MICU2: variants seen among roughly 807,000 people sequenced by gnomAD.
The protein encoded by MICU2 is calcium uptake protein 2, mitochondrial.
In MICU2, 64 loss-of-function variants were observed where a neutral mutation model predicts 60.4. The ratio of observed to expected loss-of-function variants is 1.06; its 90% CI spans 0.87 to 1.31. MICU2 has a LOEUF of 1.31. Ranked by LOEUF, MICU2 falls within the 50% of genes most tolerant of loss-of-function variation. MICU2 has a pLI of 0.00. For synonymous variants in MICU2, 201 were observed against 175.0 expected (o/e 1.15, Z -1.17); for missense variants, 569 against 531.0 (o/e 1.07, Z -0.70).
In MICU2 at chr13:21,604,031, C is replaced by A; in HGVS notation, c.118G>T (p.Ala40Ser). The A allele has an allele frequency of 6.2e-7, 1 of 1,608,126 alleles. No individual in the cohort carries two copies. Among genetic ancestry groups the A allele is most frequent in the African/African-American group, 1.3e-5 (1 of 74,674 alleles). The change falls in exon 1 of 12, where the codon GCC becomes TCC. Residue 40 changes from alanine to serine, a missense_variant. Physicochemically the swap from Ala to Ser is moderately conservative, Grantham distance 99. Coordinates refer to ENST00000382374, the MANE Select transcript of MICU2 (RefSeq NM_152726.3). ...CCTGCTCCTGCCAGGGCCGCGCCGG[C>A]CACTGCCGCTGCCAAGGGGCCGGGA... ...RSPGPLAAAV[A>S]GAALAGAGAA...
intron 1 of MICU2, among the ~76,000 whole-genome samples, chr13:21,590,951 T>C (rs955237776): frequency 2.0e-5 from 3 of 151,942 alleles, no homozygotes; most frequent in African/African-American, 7.3e-5. Flanking sequence ...TAAAGAGCAA[T>C]GACATTACGA....
intron 4 of MICU2, among the ~76,000 whole-genome samples, chr13:21,526,752 G>A (rs1326489895): frequency 1.3e-5 from 2 of 151,846 alleles, no homozygotes; most frequent in Non-Finnish European, 2.9e-5. Flanking sequence ...AGATGAAGCT[G>A]AATATGAAAA....
intron 2 of MICU2, among the ~76,000 whole-genome samples, chr13:21,545,611 G>A (rs891099191): frequency 4.6e-5 from 7 of 151,786 alleles, no homozygotes; most frequent in African/African-American, 1.7e-4. Context: ...AGCCTGGAAG[G>A]CAGAGGTTGC....
chr13:21,548,688 C>T (rs1446550851), intron 2 of MICU2, among the ~76,000 whole-genome samples: 6 of 152,178 alleles, frequency 3.9e-5, no homozygotes, highest in Non-Finnish European at 1.5e-5. Context: ...ATAAGCCACC[C>T]TTTACCACAA....
chr13:21,509,507 A>G (rs1387532448), intron 8 of MICU2, among the ~76,000 whole-genome samples: 2 of 152,226 alleles, frequency 1.3e-5, no homozygotes, highest in Admixed American at 6.5e-5. Context: ...GACTACATGA[A>G]GCAGAGCTGA....
At chr13:21,572,100 T>TA (rs1291304959) in intron 1 of MICU2, among the ~76,000 whole-genome samples, 1 of 152,246 alleles carries the variant, frequency 6.6e-6, no homozygotes, top group African/African-American at 2.4e-5. Context: ...AACATTAAAT[T>TA]ATAAGTGCTA....
intron 9 of MICU2, among the ~76,000 whole-genome samples, chr13:21,497,986 C>T (rs1886043829): frequency 6.6e-6 from 1 of 152,146 alleles, no homozygotes; most frequent in African/African-American, 2.4e-5. Flanking sequence ...AACTCCTGGG[C>T]TCAAGTGATC....
chr13:21,600,663 C>G (rs527575106), intron 1 of MICU2, among the ~76,000 whole-genome samples: 1 of 152,306 alleles, frequency 6.6e-6, no homozygotes, highest in East Asian at 1.9e-4. Flanking sequence ...TAATTCCCGA[C>G]TGACCCTCAC....
intron 6 of MICU2, among the ~76,000 whole-genome samples, chr13:21,515,257 T>C (rs1343497585): frequency 1.3e-5 from 2 of 151,978 alleles, no homozygotes; most frequent in African/African-American, 4.8e-5. Context: ...AATTTTTTTG[T>C]ATTTTTAGTA....
intron 1 of MICU2, among the ~76,000 whole-genome samples, chr13:21,586,942 A>G (rs913941876): frequency 6.6e-6 from 1 of 152,218 alleles, no homozygotes; most frequent in Non-Finnish European, 1.5e-5. Flanking sequence ...CTGCTCTCCC[A>G]GGCATCTTCT....
intron 1 of MICU2, among the ~76,000 whole-genome samples, chr13:21,577,874 G>A (rs1432470164): frequency 6.6e-6 from 1 of 151,316 alleles, no homozygotes; most frequent in Non-Finnish European, 1.5e-5. Flanking sequence ...AGCCACTGAG[G>A]AGGCTGAGGC....
intron 9 of MICU2, among the ~76,000 whole-genome samples, chr13:21,499,054 G>T (rs570480261): frequency 6.6e-6 from 1 of 152,002 alleles, no homozygotes; most frequent in Non-Finnish European, 1.5e-5. Context: ...TCATTCAAGC[G>T]ATTCTTCTGC....
intron 8 of MICU2, among the ~76,000 whole-genome samples, chr13:21,506,243 T>C (rs966341441): frequency 6.6e-6 from 1 of 152,174 alleles, no homozygotes; most frequent in Non-Finnish European, 1.5e-5. Flanking sequence ...GTCGAAGTCC[T>C]GGACTCTAGC....
chr13:21,505,957 A>G (rs1886282137), intron 8 of MICU2, among the ~76,000 whole-genome samples: 1 of 152,076 alleles, frequency 6.6e-6, no homozygotes, highest in Non-Finnish European at 1.5e-5. Flanking sequence ...AGTACCTGCC[A>G]GTTGCTGTGA....
intron 2 of MICU2, chr13:21,551,296 A>G (rs1887556197): frequency 6.6e-6 from 1 of 152,404 alleles, no homozygotes; most frequent in Non-Finnish European, 1.5e-5. Flanking sequence ...TTTTTTATAC[A>G]TTTAAAAAAA....
intron 8 of MICU2, among the ~76,000 whole-genome samples, chr13:21,504,095 A>G (rs1886240610): frequency 6.6e-6 from 1 of 152,204 alleles, no homozygotes; most frequent in Non-Finnish European, 1.5e-5. Flanking sequence ...TTCTGAATGT[A>G]CTGAATACAC....
intron 1 of MICU2, among the ~76,000 whole-genome samples, chr13:21,579,446 T>C (rs1036418027): frequency 6.6e-6 from 1 of 151,700 alleles, no homozygotes; most frequent in African/African-American, 2.4e-5. Flanking sequence ...GTTCAAGAGA[T>C]TCTCCTGCCT....
At chr13:21,579,292 T>C (rs1011437249) in intron 1 of MICU2, among the ~76,000 whole-genome samples, 2 of 151,712 alleles carry the variant, frequency 1.3e-5, no homozygotes, top group African/African-American at 2.4e-5. Context: ...AATACAGATA[T>C]GATTATATAA....
Position 21,517,793 on chromosome 13 carries a change from ACACACACGCG to A in MICU2, c.598-3385_598-3376del, listed in dbSNP as rs773046511. Among the ~76,000 whole-genome samples the A allele has an allele frequency of 6.4e-3, 627 of 97,228 alleles. 2 individuals carry two copies. Among genetic ancestry groups the A allele is most frequent in the African/African-American group, 0.017 (483 of 27,638 alleles). The allele number at this position is 97,228 out of a possible 152,430, so 63.8% of individuals were successfully genotyped here. On this transcript the variant is annotated intron_variant, in intron 6 of 11. Coordinates refer to ENST00000382374, the MANE Select transcript of MICU2 (RefSeq NM_152726.3). ...AGGACACACACACACACACACACAC[ACACACACGCG>A]CGCGCGCGCGCACACGCGCTACATA... is the stretch of plus-strand genomic sequence containing the variant.
Sources: gnomAD v4.1 joint callset for allele counts (sites outside exome capture counted in the v4.1 genomes callset) on GRCh38, gnomAD v4.1.1 for gene constraint, MANE v1.5 for transcripts, NCBI Gene and HGNC (gene_info 2026-07-23, HGNC 2026-07-21) for gene names.